MACROD1: variants seen among roughly 807,000 people sequenced by gnomAD.
MACROD1 encodes the protein ADP-ribose glycohydrolase MACROD1.
A neutral mutation model predicts 41.4 loss-of-function variants in MACROD1; 31 were observed. The observed-to-expected ratio is 0.75, with a 90% CI of 0.56 to 1.01. The LOEUF is 1.01. MACROD1 is among the 50% of genes least tolerant of loss of function. The pLI, the probability that MACROD1 is intolerant of heterozygous loss-of-function variation, is 0.00. For synonymous variants in MACROD1, 252 were observed against 203.4 expected, an observed-to-expected ratio of 1.24 and a Z score of -2.03; for missense variants, 473 against 460.0, an observed-to-expected ratio of 1.03 and a Z score of -0.26.
At chr11:64,088,455 C>T (rs1355918471) in intron 3 of MACROD1, among the ~76,000 whole-genome samples, 1 of 152,190 alleles carries the variant, frequency 6.6e-6, no homozygotes, top group Non-Finnish European at 1.5e-5. Context: ...GGCTGTGGGC[C>T]TGGGGCAGGG....
intron 3 of MACROD1, among the ~76,000 whole-genome samples, chr11:64,016,582 G>A (rs947910602): frequency 3.3e-5 from 5 of 152,278 alleles, no homozygotes; most frequent in African/African-American, 1.2e-4. Context: ...GCTGCTAAGT[G>A]GTGTCGGGCG....
chr11:64,070,328 C>A (rs935422516), intron 3 of MACROD1, among the ~76,000 whole-genome samples: 1 of 152,168 alleles, frequency 6.6e-6, no homozygotes, highest in African/African-American at 2.4e-5. Context: ...CTGGGGGCCT[C>A]GGAGCTGTGA....
intron 3 of MACROD1, chr11:64,116,877 C>A: frequency 6.2e-7 from 1 of 1,611,764 alleles, no homozygotes; most frequent in Non-Finnish European, 8.5e-7. Context: ...GGAGGAGCTG[C>A]GGCTGGATGA....
intron 3 of MACROD1, among the ~76,000 whole-genome samples, chr11:64,055,963 G>GA (rs1240966751): frequency 1.3e-5 from 2 of 152,162 alleles, no homozygotes; most frequent in African/African-American, 4.8e-5. Context: ...AGCACCCGGG[G>GA]AGCTCCTGGG....
chr11:64,088,230 G>A (rs1301266481), intron 3 of MACROD1, among the ~76,000 whole-genome samples: 1 of 152,170 alleles, frequency 6.6e-6, no homozygotes, highest in Non-Finnish European at 1.5e-5. Flanking sequence ...AAAAGTCGCT[G>A]CCTCCTCTGG....
At chr11:64,142,470 A>G in intron 3 of MACROD1, among the ~76,000 whole-genome samples, 1 of 152,236 alleles carries the variant, frequency 6.6e-6, no homozygotes, top group Admixed American at 6.5e-5. Flanking sequence ...AACTTCAGGT[A>G]AGAAGCAGGG....
At chr11:64,124,751 G>C (rs546132736) in intron 3 of MACROD1, among the ~76,000 whole-genome samples, 2 of 152,182 alleles carry the variant, frequency 1.3e-5, no homozygotes, top group Non-Finnish European at 2.9e-5. Context: ...TGCAATCTCG[G>C]CTCACCGCAA....
At chr11:64,089,849 G>A (rs1944459112) in intron 3 of MACROD1, among the ~76,000 whole-genome samples, 1 of 152,186 alleles carries the variant, frequency 6.6e-6, no homozygotes, top group African/African-American at 2.4e-5. Flanking sequence ...GGGAAAGAAT[G>A]AGGAGGATGA....
intron 8 of MACROD1, 132 bp from the exon 9 acceptor site, chr11:63,999,168 T>C (rs1942771140): frequency 7.7e-7 from 1 of 1,298,624 alleles, no homozygotes; most frequent in Admixed American, 2.1e-5. Flanking sequence ...CTGTGTGCCA[T>C]CACCCCCATC....
At chr11:64,015,912 T>G (rs1380594301) in intron 3 of MACROD1, among the ~76,000 whole-genome samples, 1 of 152,088 alleles carries the variant, frequency 6.6e-6, no homozygotes, top group East Asian at 1.9e-4. Context: ...CAAAACCAGA[T>G]CAACAGCGGG....
intron 3 of MACROD1, among the ~76,000 whole-genome samples, chr11:64,124,619 C>T (rs1945149754): frequency 6.6e-6 from 1 of 152,112 alleles, no homozygotes; most frequent in African/African-American, 2.4e-5. Context: ...GGCCCCCTTT[C>T]TCACCATAAC....
intron 1 of MACROD1, among the ~76,000 whole-genome samples, chr11:64,157,456 A>G (rs757379606): frequency 5.3e-5 from 8 of 152,228 alleles, no homozygotes; most frequent in African/African-American, 1.9e-4. Flanking sequence ...GCAGACTTAA[A>G]GCACAAGTGA....
intron 3 of MACROD1, among the ~76,000 whole-genome samples, chr11:64,086,698 G>A (rs568763030): frequency 7.9e-5 from 12 of 152,302 alleles, no homozygotes; most frequent in African/African-American, 2.4e-4. Flanking sequence ...AGACAGAGAG[G>A]GGGAGAAGGG....
intron 3 of MACROD1, among the ~76,000 whole-genome samples, chr11:64,044,612 C>T (rs548462615): frequency 1.1e-4 from 17 of 152,226 alleles, no homozygotes; most frequent in African/African-American, 3.9e-4. Flanking sequence ...CACTGAGTGG[C>T]AAAGTCACTT....
At chr11:64,019,423 C>T (rs1353116863) in intron 3 of MACROD1, among the ~76,000 whole-genome samples, 2 of 152,190 alleles carry the variant, frequency 1.3e-5, no homozygotes, top group Non-Finnish European at 2.9e-5. Flanking sequence ...CCCTCCTCTG[C>T]CCCAGCACTT....
intron 3 of MACROD1, among the ~76,000 whole-genome samples, chr11:64,075,516 C>T (rs1223474133): frequency 6.6e-6 from 1 of 152,232 alleles, no homozygotes; most frequent in African/African-American, 2.4e-5. Flanking sequence ...CAGCTGGGCT[C>T]AAACCGAGGG....
Position 64,165,829 on chromosome 11 carries a change from G to T in MACROD1, c.166C>A (p.Arg56=). 6.8e-7 allele frequency: 1 copy of T among 1,477,414 alleles called. No homozygotes were observed. The highest frequency in any genetic ancestry group is 2.6e-5 in the Admixed American group (1 of 39,024). 91.5% of individuals were successfully genotyped at this position (1,477,414 alleles called of 1,614,324 possible). A position where few individuals can be genotyped will look rare whatever the true frequency, so the allele number is the denominator to read the frequency against. The change falls in exon 1 of 11, where the codon CGG becomes AGG. Residue 56 remains arginine (R), a synonymous_variant. Transcript: ENST00000255681. ...CACGCCCCAACTCCCGCCGAGGTCC[G>T]CGCACGGCGGCCGAACACGCCCAGG... ...AFLGVFGRRA[R]TSAGVGAWGA...
At chr11:64,091,804 C>G (rs1407867786) in intron 3 of MACROD1, among the ~76,000 whole-genome samples, 1 of 152,186 alleles carries the variant, frequency 6.6e-6, no homozygotes, top group Non-Finnish European at 1.5e-5. Flanking sequence ...GACAGTGGGC[C>G]ACTACCCCAG....
At chr11:64,149,668 T>A (rs898264435) in intron 3 of MACROD1, among the ~76,000 whole-genome samples, 2 of 152,216 alleles carry the variant, frequency 1.3e-5, no homozygotes, top group Non-Finnish European at 2.9e-5. Flanking sequence ...CCGGCCACTT[T>A]GCAGCTCAGC....
Sources: allele counts gnomAD v4.1 joint callset (sites outside exome capture counted in the v4.1 genomes callset), GRCh38; gene constraint gnomAD v4.1.1; transcripts MANE v1.5; gene names NCBI Gene and HGNC (gene_info 2026-07-23, HGNC 2026-07-21).